Variants in PLAC1 observed in about 807,000 individuals in gnomAD.
PLAC1 encodes placenta-specific protein 1.
For synonymous variants in PLAC1, 68 were observed against 62.1 expected (o/e 1.09, Z -0.44); for missense variants, 136 against 163.2 (o/e 0.83, Z 0.91).
intron 1 of PLAC1, among the ~76,000 whole-genome samples, chrX:134,616,969 T>TTTTC (rs1188239461): frequency 9.4e-6 from 1 of 106,152 alleles, no homozygotes; most frequent in East Asian, 3.0e-4. Context: ...TCTTCCTTTC[T>TTTTC]TTTCTTTCTT....
chrX:134,692,885 G>A (rs1161730368), intron 2 of PLAC1, among the ~76,000 whole-genome samples: 2 of 111,756 alleles, frequency 1.8e-5, no homozygotes, highest in Non-Finnish European at 3.8e-5. Context: ...ATTATTAGGG[G>A]GAAGGGGAGC....
intron 1 of PLAC1, among the ~76,000 whole-genome samples, chrX:134,746,728 A>G (rs974428134): frequency 8.9e-6 from 1 of 112,053 alleles, no homozygotes; most frequent in Non-Finnish European, 1.9e-5. Flanking sequence ...AGAGGTAACC[A>G]TACATTAACA....
At chrX:134,747,359 T>A (rs1303569971) in intron 1 of PLAC1, among the ~76,000 whole-genome samples, 1 of 106,892 alleles carries the variant, frequency 9.4e-6, no homozygotes, top group Non-Finnish European at 1.9e-5. Context: ...AGAAGATAAA[T>A]GAGGAGGGGG....
intron 2 of PLAC1, among the ~76,000 whole-genome samples, chrX:134,575,306 G>A (rs2077931800): frequency 9.0e-6 from 1 of 110,997 alleles, no homozygotes; most frequent in East Asian, 2.8e-4. Context: ...ATTTGACTTT[G>A]GGTGTGATAG....
rs2078283259 is a variant in PLAC1, at chrX:134,636,310, GT to G, written c.-131+22017del. 2.7e-5 allele frequency among the ~76,000 whole-genome samples: 3 copies of G among 112,366 alleles called. No homozygotes were observed. In the South Asian group the frequency reaches 1.1e-3, roughly 41 times the overall value. ...AGTCATTTGACAAAGCATCCTGAAA[GT>G]GTTTCTACTGAATTCCTATAGGTCT... On this transcript the variant is annotated intron_variant, in intron 1 of 2. Coordinates refer to ENST00000359237, the MANE Select transcript of PLAC1 (RefSeq NM_021796.4).
chrX:134,639,831 C>T (rs1000182980), intron 1 of PLAC1, among the ~76,000 whole-genome samples: 1 of 112,044 alleles, frequency 8.9e-6, no homozygotes, highest in Admixed American at 9.5e-5. Context: ...AATATGAGGC[C>T]TCAGTGTCTG....
chrX:134,762,923 G>A (rs949068590), intron 1 of PLAC1, among the ~76,000 whole-genome samples: 1 of 108,906 alleles, frequency 9.2e-6, no homozygotes, highest in Non-Finnish European at 1.9e-5. Flanking sequence ...ACGCTGAAGG[G>A]GGAGTATTTT....
chrX:134,688,937 C>T (rs192734766), intron 2 of PLAC1, among the ~76,000 whole-genome samples: 1 of 111,662 alleles, frequency 9.0e-6, no homozygotes, highest in Admixed American at 9.5e-5. Flanking sequence ...ACCTTTGCCC[C>T]ACATTATTTC....
intron 2 of PLAC1, among the ~76,000 whole-genome samples, chrX:134,724,989 G>A (rs1293550619): frequency 3.8e-5 from 4 of 104,036 alleles, no homozygotes; most frequent in African/African-American, 1.4e-4. Flanking sequence ...GCGACAGAGC[G>A]AGACCCTGTC....
At chrX:134,758,121 C>T (rs1441076323) in intron 1 of PLAC1, among the ~76,000 whole-genome samples, 1 of 109,426 alleles carries the variant, frequency 9.1e-6, no homozygotes, top group Non-Finnish European at 1.9e-5. Flanking sequence ...ATAAGGAAAA[C>T]TACAAACACT....
rs1301786712 is a variant in PLAC1, at chrX:134,566,227, C to G, written c.456G>C (p.Leu152Phe). ...AGTTGGGCCTTTGACTGGACTGTGA[C>G]AAGCTGAACACCTCGTAGCATTTCT... ...KDEKCYEVFS[L>F]SQSSQRPNCD... The change falls in exon 3 of 3, where the codon TTG (leucine) becomes TTC (phenylalanine). Residue 152 changes from leucine (L) to phenylalanine (F), a missense_variant. Leu to Phe is a conservative substitution (Grantham distance 22, BLOSUM62 0). Transcript: ENST00000359237. 5.8e-6 allele frequency: 7 copies of G among 1,209,962 alleles called. No homozygotes were observed. Among genetic ancestry groups the G allele is most frequent in the Non-Finnish European group, 7.8e-6 (7 of 895,117 alleles).
At chrX:134,625,449 T>C (rs971766943) in intron 1 of PLAC1, among the ~76,000 whole-genome samples, 33 of 112,323 alleles carry the variant, frequency 2.9e-4, no homozygotes, top group African/African-American at 9.7e-4. Flanking sequence ...TCTAACAATT[T>C]CCATTTTAGG....
intron 2 of PLAC1, among the ~76,000 whole-genome samples, chrX:134,714,827 T>G (rs2078638642): frequency 8.9e-6 from 1 of 112,351 alleles, no homozygotes; most frequent in African/African-American, 3.2e-5. Flanking sequence ...AGAATTTCCT[T>G]CCTTTTAAAG....
chrX:134,566,046 A>G lies in PLAC1; in HGVS notation c.637T>C (p.Ter213ArgextTer17). 1 of 1,205,319 alleles carries G rather than the reference A, an allele frequency of 8.3e-7. No individual in the cohort carries two copies. The highest frequency in any genetic ancestry group is 1.7e-5 in the African/African-American group (1 of 57,732). The change falls in exon 3 of 3, where the codon TGA becomes CGA. Residue 213 changes from the stop codon to arginine (R), a stop_lost. Coordinates refer to ENST00000359237, the MANE Select transcript of PLAC1 (RefSeq NM_021796.4). ...LHTDDMIGSM[*>R] ...TCAGGAGACCCCAAACCTGAGGATC[A>G]CATGGACCCAATCATATCATCTGTG...
chrX:134,587,688 C>T (rs933693887), intron 2 of PLAC1, among the ~76,000 whole-genome samples: 1 of 111,596 alleles, frequency 9.0e-6, no homozygotes, highest in East Asian at 2.8e-4. Context: ...GAAGAGAGGG[C>T]CCAGGTACAT....
chrX:134,651,205 A>C (rs2078360960), intron 1 of PLAC1: 1 of 229,877 alleles, frequency 4.4e-6, no homozygotes, highest in Admixed American at 4.5e-5. Context: ...ATAGCTGCGT[A>C]CCATGCGATC....
intron 2 of PLAC1, among the ~76,000 whole-genome samples, chrX:134,601,151 A>G (rs903284289): frequency 1.8e-5 from 2 of 111,146 alleles, no homozygotes; most frequent in Non-Finnish European, 3.8e-5. Flanking sequence ...CTTAAGTTAG[A>G]CCATGAGCAT....
intron 1 of PLAC1, among the ~76,000 whole-genome samples, chrX:134,626,446 T>C (rs960508700): frequency 1.8e-5 from 2 of 112,469 alleles, no homozygotes; most frequent in Non-Finnish European, 3.8e-5. Flanking sequence ...ACCTAGTTCA[T>C]TTTGTGGAAA....
chrX:134,759,080 T>C (rs1199850163), intron 1 of PLAC1, among the ~76,000 whole-genome samples: 1 of 111,626 alleles, frequency 9.0e-6, no homozygotes, highest in Admixed American at 9.5e-5. Flanking sequence ...AGATATCATC[T>C]TACCCCAGTC....
Sources: allele counts gnomAD v4.1 joint callset (sites outside exome capture counted in the v4.1 genomes callset), GRCh38; gene constraint gnomAD v4.1.1; transcripts MANE v1.5; gene names NCBI Gene and HGNC (gene_info 2026-07-23, HGNC 2026-07-21).